The following PALMD variants were observed in gnomAD, a reference collection of about 807,000 sequenced individuals.
The protein encoded by PALMD is palmdelphin.
Under a neutral mutation model 56.2 loss-of-function variants are expected in PALMD, and 42 were observed. That is an observed-to-expected ratio of 0.75 (90% CI 0.58 to 0.97). The LOEUF (loss-of-function observed/expected upper bound fraction) is 0.97, where lower values mean the gene tolerates loss of function less well. Ranked by LOEUF, PALMD falls within the 50% of genes least tolerant of loss-of-function variation. The pLI is 0.00. For missense variants in PALMD, 660 were observed against 643.8 expected (o/e 1.03, Z -0.27); for synonymous variants, 242 against 222.9 (o/e 1.09, Z -0.76).
intron 2 of PALMD, among the ~76,000 whole-genome samples, chr1:99,663,726 A>G (rs1652904366): frequency 6.6e-6 from 1 of 152,180 alleles, no homozygotes; most frequent in African/African-American, 2.4e-5. Context: ...ATGGGTAGCC[A>G]CAAAACAGTG....
intron 2 of PALMD, among the ~76,000 whole-genome samples, chr1:99,663,752 G>A (rs888180925): frequency 5.3e-5 from 8 of 152,160 alleles, no homozygotes; most frequent in Admixed American, 2.0e-4. Context: ...CACAGTAGAA[G>A]AGAAGATTTA....
At chr1:99,683,142 GAAAGAAAGAAAGAAAGAAA>G (rs1557674071) in intron 3 of PALMD, 14 of 123,632 alleles carry the variant, frequency 1.1e-4, no homozygotes, top group African/African-American at 1.2e-4. Flanking sequence ...AAGAAAGAAA[GAAAGAAAGAAAGAAAGAAA>G]GAAAGAAACG....
At chr1:99,692,985 T>C (rs1653695101) in intron 7 of PALMD, among the ~76,000 whole-genome samples, 1 of 152,212 alleles carries the variant, frequency 6.6e-6, no homozygotes, top group African/African-American at 2.4e-5. Flanking sequence ...AATTAAAATA[T>C]TTCATATAAG....
At chr1:99,659,643 T>C (rs1315192808) in intron 1 of PALMD, among the ~76,000 whole-genome samples, 3 of 152,264 alleles carry the variant, frequency 2.0e-5, no homozygotes, top group East Asian at 3.8e-4. Flanking sequence ...GGTTGACTTA[T>C]AGTTTATTCT....
rs1652998419 is a variant in PALMD at position 99,667,736 on chromosome 1, A to T, written c.221A>T (p.Gln74Leu). Reference sequence around the variant, plus strand: ...AAGCAAAATCAACAAGACCAGCACCAGATCCAGGTTCTAGAACAAAGTATC... The same window carrying T: ...AAGCAAAATCAACAAGACCAGCACCTGATCCAGGTTCTAGAACAAAGTATC... The part of the protein sequence containing the change: ...MKKQNQQDQH[Q>L]IQVLEQSILR... The change falls in exon 3 of 8, where the codon CAG (glutamine) becomes CTG (leucine). Residue 74 changes from glutamine (Q) to leucine (L), a missense_variant. Coordinates refer to ENST00000263174, the MANE Select transcript of PALMD (RefSeq NM_017734.5). 2 of 1,613,660 alleles carry T rather than the reference A, an allele frequency of 1.2e-6. No individual in the cohort carries two copies. Among genetic ancestry groups the T allele is most frequent in the African/African-American group, 2.7e-5 (2 of 75,032 alleles).
chr1:99,686,633 T>A (rs1438472048), intron 3 of PALMD, 43 bp from the exon 4 acceptor site: 1 of 979,758 alleles, frequency 1.0e-6, no homozygotes, highest in African/African-American at 1.6e-5. Context: ...ACTCCGCATT[T>A]GTACTGTGTT....
chr1:99,692,784 C>T (rs1409158330), intron 7 of PALMD, among the ~76,000 whole-genome samples: 1 of 152,134 alleles, frequency 6.6e-6, no homozygotes, highest in Non-Finnish European at 1.5e-5. Context: ...TAAAGACTTG[C>T]CTTCTGCCTT....
chr1:99,646,247 C>T lies in PALMD; in HGVS notation c.-71C>T. 1.6e-6 allele frequency: 2 copies of T among 1,232,110 alleles called. No homozygotes were observed. The highest frequency in any genetic ancestry group is 2.4e-6 in the Non-Finnish European group (2 of 832,126). 76.3% of individuals were successfully genotyped at this position (1,232,110 alleles called of 1,614,324 possible). ...TCTCTTCTGTCACCCCCGCTCCTCTCCCCCAGGAGGCTCCTTGATTTATGG... is the reference window on the plus strand; with the variant it reads ...TCTCTTCTGTCACCCCCGCTCCTCTTCCCCAGGAGGCTCCTTGATTTATGG... On this transcript the variant is annotated 5_prime_UTR_variant, in exon 1 of 8. Transcript: ENST00000263174.
At chr1:99,669,866 G>A (rs578225658) in intron 3 of PALMD, 1 of 152,214 alleles carries the variant, frequency 6.6e-6, no homozygotes, top group Non-Finnish European at 1.5e-5. Context: ...ATAAGCCATA[G>A]TATACAGCAG....
At chr1:99,653,946 G>T (rs1488545208) in intron 1 of PALMD, among the ~76,000 whole-genome samples, 2 of 152,100 alleles carry the variant, frequency 1.3e-5, no homozygotes, top group Admixed American at 1.3e-4. Flanking sequence ...AGAAGTTGGT[G>T]CTAAGGGTTG....
Position 99,650,689 on chromosome 1 carries a change from T to C in PALMD, c.45+4327T>C, listed in dbSNP as rs183642255. ...TGTGGTGGCCCTTGTTCAAAAAATATTCAAAATGTCAAGGTGGTGACAACA... is the reference window on the plus strand; with the variant it reads ...TGTGGTGGCCCTTGTTCAAAAAATACTCAAAATGTCAAGGTGGTGACAACA... On this transcript the variant is annotated intron_variant, in intron 1 of 7. Transcript: ENST00000263174. Among the ~76,000 whole-genome samples the C allele has an allele frequency of 1.7e-3, 260 of 152,238 alleles. 1 individual carries two copies. The highest frequency in any genetic ancestry group is 6.1e-3 in the African/African-American group (254 of 41,560).
rs762523303 is a variant in PALMD, at chr1:99,689,796, C to T, written c.1536C>T (p.Ser512=). The T allele has an allele frequency of 3.1e-6, 5 of 1,613,592 alleles. No homozygotes were observed. Among genetic ancestry groups the T allele is most frequent in the Non-Finnish European group, 4.2e-6 (5 of 1,179,854 alleles). ...NSISLKEQEE[S]LGSPVHHSPF... ...TATCTCTGAAAGAGCAAGAAGAAAGCTTAGGCAGCCCTGTCCACCATTCCC... is the reference window on the plus strand; with the variant it reads ...TATCTCTGAAAGAGCAAGAAGAAAGTTTAGGCAGCCCTGTCCACCATTCCC... Residue 512 remains serine, a synonymous_variant, in exon 7 of 8, where the codon AGC becomes AGT. Transcript: ENST00000263174.
intron 3 of PALMD, 116 bp downstream of exon 3, chr1:99,667,882 C>CTTT: frequency 2.1e-5 from 16 of 759,432 alleles, no homozygotes; most frequent in African/African-American, 3.7e-5. Context: ...ATTTGAATTT[C>CTTT]TTTTTTTTTT....
At chr1:99,655,209 T>C (rs2100855078) in intron 1 of PALMD, among the ~76,000 whole-genome samples, 1 of 152,188 alleles carries the variant, frequency 6.6e-6, no homozygotes, top group South Asian at 2.1e-4. Flanking sequence ...TCAGCATCTA[T>C]GATGAATCAA....
intron 7 of PALMD, among the ~76,000 whole-genome samples, chr1:99,691,969 G>T (rs1341855861): frequency 6.6e-6 from 1 of 152,096 alleles, no homozygotes; most frequent in African/African-American, 2.4e-5. Flanking sequence ...CAAAAGACAA[G>T]ATTTTTTTAG....
chr1:99,673,926 G>C (rs577186478), intron 3 of PALMD, among the ~76,000 whole-genome samples: 8 of 152,238 alleles, frequency 5.3e-5, no homozygotes, highest in Admixed American at 3.9e-4. Context: ...ACCTTTCTAA[G>C]AGGACCAGCT....
At chr1:99,647,221 G>A (rs954855247) in intron 1 of PALMD, among the ~76,000 whole-genome samples, 2 of 152,106 alleles carry the variant, frequency 1.3e-5, no homozygotes, top group African/African-American at 4.8e-5. Context: ...AGAAGAAAAA[G>A]ATCTTTGGAA....
Position 99,689,346 on chromosome 1 carries a change from AC to A in PALMD, c.1089del (p.Ser364LeufsTer6). The A allele has an allele frequency of 6.2e-7, 1 of 1,613,700 alleles. No homozygotes were observed. The highest frequency in any genetic ancestry group is 8.5e-7 in the Non-Finnish European group (1 of 1,179,850). On this transcript the variant is annotated frameshift_variant, in exon 7 of 8. Coordinates refer to ENST00000263174, the MANE Select transcript of PALMD (RefSeq NM_017734.5). LOFTEE classifies it high-confidence loss of function. The stretch of plus-strand genomic sequence containing the variant: ...CGAATGTCATGCAGGACAAAGATGC[AC>A]CCTCTCCAAAGCCAAGGCTGAGCCC... Reference protein sequence around the residue: ...ESNVMQDKDAPSPKPRLSPRE... With the variant: ...ESNVMQDKDAXSPKPRLSPRE...
At chr1:99,664,312 C>CAA (rs1312925830) in intron 2 of PALMD, among the ~76,000 whole-genome samples, 2 of 152,076 alleles carry the variant, frequency 1.3e-5, no homozygotes, top group Non-Finnish European at 2.9e-5. Flanking sequence ...CAAGAAGGCA[C>CAA]TATTAAAGGT....
Sources: gnomAD v4.1 joint callset for allele counts (sites outside exome capture counted in the v4.1 genomes callset) on GRCh38, gnomAD v4.1.1 for gene constraint, MANE v1.5 for transcripts, NCBI Gene and HGNC (gene_info 2026-07-23, HGNC 2026-07-21) for gene names.